ARNT: variants seen among roughly 807,000 people sequenced by gnomAD.
The protein encoded by ARNT is class E basic helix-loop-helix protein 2.
In ARNT, 30 loss-of-function variants were observed where a neutral mutation model predicts 105.0. That is an observed-to-expected ratio of 0.29 (90% CI 0.21 to 0.39). ARNT has a LOEUF of 0.39. Among genes scored for constraint, ARNT ranks in the 10% least tolerant of loss-of-function variants. The pLI is 1.00. For missense variants in ARNT, 748 were observed against 978.7 expected (o/e 0.76, Z 3.15); for synonymous variants, 304 against 344.0 (o/e 0.88, Z 1.29).
chr1:150,815,190 T>C lies in ARNT; in HGVS notation c.1951-951A>G, dbSNP rs115080725. Reference sequence around the variant, plus strand: ...CTTGTATAACATAAATATATAGTAATATTAAAGAATCTTTCTTTAGACAGT... The same window carrying C: ...CTTGTATAACATAAATATATAGTAACATTAAAGAATCTTTCTTTAGACAGT... On this transcript the variant is annotated intron_variant, in intron 19 of 21. Transcript: ENST00000358595. Among the ~76,000 whole-genome samples, 496 of 152,174 alleles carry C rather than the reference T, an allele frequency of 3.3e-3. 2 individuals are homozygous for C. Among genetic ancestry groups the C allele is most frequent in the African/African-American group, 0.011 (475 of 41,550 alleles).
At position 150,842,380 on chromosome 1, in the gene ARNT, C is replaced by A. The variant is rs746397576; in HGVS notation, c.272+44G>T. ...AGAGTAAGAAAAAGGATAGAAAAAG[C>A]AGCATCATCTGCTTCATCATGCTAA... is the stretch of plus-strand genomic sequence containing the variant. On this transcript the variant is annotated intron_variant, in intron 5 of 21. Coordinates refer to ENST00000358595, the MANE Select transcript of ARNT (RefSeq NM_001668.4). 1.9e-6 allele frequency: 3 copies of A among 1,590,328 alleles called. No individual in the cohort carries two copies. The African/African-American group carries it at 4.1e-5, about 22-fold the overall frequency.
chr1:150,817,717 G>A (rs1656191106), intron 15 of ARNT, among the ~76,000 whole-genome samples: 1 of 151,348 alleles, frequency 6.6e-6, no homozygotes, highest in Non-Finnish European at 1.5e-5. Context: ...GCTGAGGCAG[G>A]TGAATCACTT....
intron 12 of ARNT, among the ~76,000 whole-genome samples, chr1:150,826,936 C>A (rs587710706): frequency 6.6e-6 from 1 of 151,902 alleles, no homozygotes. Context: ...TGTGAGCCAC[C>A]GTGCCCAGCC....
At chr1:150,838,637 T>C (rs1660726285) in intron 6 of ARNT, among the ~76,000 whole-genome samples, 1 of 152,256 alleles carries the variant, frequency 6.6e-6, no homozygotes, top group Admixed American at 6.5e-5. Flanking sequence ...ATTAAGGGAA[T>C]ACTTGATTGA....
chr1:150,853,079 G>C (rs587770879), intron 2 of ARNT: 5 of 408,034 alleles, frequency 1.2e-5, no homozygotes, highest in Non-Finnish European at 2.3e-5. Context: ...TCAGGAGTTC[G>C]AGATCAGCCT....
chr1:150,851,427 T>C (rs1206019488), intron 3 of ARNT, among the ~76,000 whole-genome samples: 7 of 152,074 alleles, frequency 4.6e-5, no homozygotes, highest in African/African-American at 1.4e-4. Context: ...AAGGGGGAAA[T>C]GTGGGGAAAA....
At chr1:150,863,189 C>T (rs766523151) in intron 1 of ARNT, among the ~76,000 whole-genome samples, 6 of 151,784 alleles carry the variant, frequency 4.0e-5, no homozygotes, top group South Asian at 2.1e-4. Context: ...CGGCAAAATC[C>T]CGTCTCTACT....
chr1:150,859,081 AT>A (rs201410554), intron 1 of ARNT, among the ~76,000 whole-genome samples: 1 of 130,962 alleles, frequency 7.6e-6, no homozygotes. Context: ...TAATATACTA[AT>A]TTTAAAAAAA....
At chr1:150,866,156 T>A (rs1021066606) in intron 1 of ARNT, among the ~76,000 whole-genome samples, 3 of 152,086 alleles carry the variant, frequency 2.0e-5, no homozygotes, top group Admixed American at 1.3e-4. Flanking sequence ...CTAATCTTTG[T>A]ATTTTTAGTA....
intron 11 of ARNT, chr1:150,829,542 T>A (rs776401333): frequency 8.5e-6 from 5 of 590,704 alleles, no homozygotes; most frequent in Non-Finnish European, 1.6e-5. Flanking sequence ...AAGAAACTTA[T>A]CTATACTTAT....
chr1:150,814,577 C>T (rs1395431765), intron 19 of ARNT, among the ~76,000 whole-genome samples: 1 of 152,210 alleles, frequency 6.6e-6, no homozygotes, highest in Non-Finnish European at 1.5e-5. Flanking sequence ...GCTCATGGCT[C>T]ATGCCTATAA....
At chr1:150,867,239 C>T (rs1300504056) in intron 1 of ARNT, among the ~76,000 whole-genome samples, 1 of 150,582 alleles carries the variant, frequency 6.6e-6, no homozygotes, top group African/African-American at 2.4e-5. Context: ...AAACAGATTA[C>T]TCAAATAGAG....
chr1:150,837,955 T>C (rs1021977090), intron 6 of ARNT, among the ~76,000 whole-genome samples: 3 of 152,206 alleles, frequency 2.0e-5, no homozygotes, highest in African/African-American at 7.2e-5. Flanking sequence ...ATTCCAGTGA[T>C]AATTCAGTTT....
At chr1:150,830,570 A>C (rs1659189614) in intron 10 of ARNT, among the ~76,000 whole-genome samples, 1 of 152,220 alleles carries the variant, frequency 6.6e-6, no homozygotes, top group African/African-American at 2.4e-5. Flanking sequence ...AGTACTCTAA[A>C]AAACTATGCT....
chr1:150,858,292 A>C, intron 2 of ARNT, 57 bp downstream of exon 2: 1 of 1,322,016 alleles, frequency 7.6e-7, no homozygotes, highest in Non-Finnish European at 1.1e-6. Context: ...AAATAAATTC[A>C]GCAACTAAAG....
At chr1:150,828,894 GT>G (rs1174392757) in intron 12 of ARNT, among the ~76,000 whole-genome samples, 198 bp downstream of exon 12, 3 of 152,084 alleles carry the variant, frequency 2.0e-5, no homozygotes, top group Non-Finnish European at 2.9e-5. Context: ...CTCCCACCTG[GT>G]TTGACAAGCC....
chr1:150,869,666 G>A (rs1053192472), intron 1 of ARNT, among the ~76,000 whole-genome samples: 3 of 150,120 alleles, frequency 2.0e-5, no homozygotes, highest in Non-Finnish European at 4.4e-5. Context: ...CACCACCTCA[G>A]CCTCCCAAGT....
chr1:150,861,531 T>C (rs954720943), intron 1 of ARNT, among the ~76,000 whole-genome samples: 1 of 152,174 alleles, frequency 6.6e-6, no homozygotes, highest in Non-Finnish European at 1.5e-5. Context: ...ACTGTGGGGC[T>C]GAACATGGTG....
chr1:150,827,479 T>G (rs1035901836), intron 12 of ARNT, among the ~76,000 whole-genome samples: 1 of 152,250 alleles, frequency 6.6e-6, no homozygotes, highest in African/African-American at 2.4e-5. Flanking sequence ...ATTTTTGAAG[T>G]TCATCTACAT....
Sources: gnomAD v4.1 joint callset for allele counts (sites outside exome capture counted in the v4.1 genomes callset) on GRCh38, gnomAD v4.1.1 for gene constraint, MANE v1.5 for transcripts, NCBI Gene and HGNC (gene_info 2026-07-23, HGNC 2026-07-21) for gene names.